ARHGAP39: variants seen among roughly 807,000 people sequenced by gnomAD.
ARHGAP39 encodes the protein rho GTPase-activating protein 39.
ARHGAP39 carries 44 observed loss-of-function variants against 106.9 expected under a neutral mutation model. The observed-to-expected ratio is 0.41, with a 90% CI of 0.32 to 0.53. The LOEUF (loss-of-function observed/expected upper bound fraction) is 0.53. Ranked by LOEUF, ARHGAP39 falls within the 20% of genes least tolerant of loss-of-function variation. ARHGAP39 has a pLI of 0.21. For missense variants in ARHGAP39, 1,496 were observed against 1,577.3 expected (o/e 0.95, Z 0.87); for synonymous variants, 768 against 693.2 (o/e 1.11, Z -1.69).
rs749666064 is a variant in ARHGAP39, at chr8:144,548,061, G to T, written c.1025C>A (p.Ala342Asp). 1 of 1,596,024 alleles carries T rather than the reference G, an allele frequency of 6.3e-7. No homozygotes were observed. The highest frequency in any genetic ancestry group is 1.3e-5 in the African/African-American group (1 of 74,446). Reference protein sequence around the residue: ...VQFEAGGGYQAGSPQRSPGRK... With the variant: ...VQFEAGGGYQDGSPQRSPGRK... ...GCCCGGCGACCGCTGGGGAGAGCCG[G>T]CCTGGTAGCCCCCGCCAGCCTCGAA... The change falls in exon 5 of 12, where the codon GCC (alanine) becomes GAC (aspartate). Residue 342 changes from alanine to aspartate, a missense_variant. By Grantham distance (126) the Ala-to-Asp change is moderately radical. This residue lies in a region of ARHGAP39 where 905 missense variants were observed against 816.4 expected (regional missense o/e 1.11). Coordinates refer to ENST00000377307, the MANE Select transcript of ARHGAP39 (RefSeq NM_025251.3). This position sits in a 1 kb window ranked among gnomAD's most constrained non-coding sequence, Gnocchi z 7.4.
At chr8:144,549,016 C>T (rs907063984) in intron 4 of ARHGAP39, among the ~76,000 whole-genome samples, 9 of 152,226 alleles carry the variant, frequency 5.9e-5, no homozygotes, top group African/African-American at 1.7e-4. Context: ...CCAGTCACCA[C>T]GCTCACTCCA....
At chr8:144,674,303 T>C (rs1283855066) in intron 1 of ARHGAP39, among the ~76,000 whole-genome samples, 8 of 152,202 alleles carry the variant, frequency 5.3e-5, no homozygotes, top group Admixed American at 3.3e-4. Context: ...AGAACAGCTC[T>C]TGGGAGACCC....
chr8:144,558,162 G>C (rs1469590799), intron 3 of ARHGAP39, among the ~76,000 whole-genome samples: 1 of 152,190 alleles, frequency 6.6e-6, no homozygotes, highest in Non-Finnish European at 1.5e-5. Flanking sequence ...ATACTGTAAA[G>C]TCTTGTTGAG....
chr8:144,588,299 G>A (rs1369614749), intron 2 of ARHGAP39, among the ~76,000 whole-genome samples: 1 of 152,272 alleles, frequency 6.6e-6, no homozygotes, highest in Non-Finnish European at 1.5e-5. Context: ...CCTGCAGGCT[G>A]TGCGCTGCAT....
intron 3 of ARHGAP39, among the ~76,000 whole-genome samples, chr8:144,575,498 AAC>A (rs1345644463): frequency 7.9e-6 from 1 of 126,938 alleles, no homozygotes; most frequent in Non-Finnish European, 1.5e-5. Context: ...CTACGACACA[AAC>A]ACACACACTA....
chr8:144,574,579 C>G (rs1818704410), intron 3 of ARHGAP39, among the ~76,000 whole-genome samples: 1 of 152,162 alleles, frequency 6.6e-6, no homozygotes, highest in South Asian at 2.1e-4. Context: ...GAGGCTGAGG[C>G]AGGAGAATGG....
In ARHGAP39 at chr8:144,545,271, C is replaced by T; in HGVS notation, c.2499G>A (p.Met833Ile). Reference protein sequence around the residue: ...SYLEGYIYRHMDPVNDTKVTQ... With the variant: ...SYLEGYIYRHIDPVNDTKVTQ... The stretch of plus-strand genomic sequence containing the variant: ...TACCTTTAGTGTCATTGACGGGGTC[C>T]ATGTGCCGGTAGATGTAGCCTTCCA... Residue 833 changes from methionine to isoleucine, a missense_variant, in exon 6 of 12, where the codon ATG becomes ATA. Transcript: ENST00000377307. 6.4e-7 allele frequency: 1 copy of T among 1,553,890 alleles called. No homozygotes were observed. Among genetic ancestry groups the T allele is most frequent in the Non-Finnish European group, 8.7e-7 (1 of 1,143,612 alleles).
intron 1 of ARHGAP39, among the ~76,000 whole-genome samples, chr8:144,672,282 G>C (rs1307581099): frequency 6.6e-6 from 1 of 152,166 alleles, no homozygotes; most frequent in Non-Finnish European, 1.5e-5. Context: ...AGTGGCAGGA[G>C]GAACATGCTG....
At chr8:144,580,149 G>A (rs995210073) in intron 3 of ARHGAP39, among the ~76,000 whole-genome samples, 21 of 152,024 alleles carry the variant, frequency 1.4e-4, no homozygotes, top group Non-Finnish European at 1.5e-5. Flanking sequence ...TGTTTCTGAG[G>A]GCAGGGGTCT....
At chr8:144,661,477 A>C (rs1039042307) in intron 1 of ARHGAP39, among the ~76,000 whole-genome samples, 6 of 151,642 alleles carry the variant, frequency 4.0e-5, no homozygotes, top group African/African-American at 1.5e-4. Flanking sequence ...TTAACCCAGC[A>C]CTCCCCATCC....
rs1822092074 is a variant in ARHGAP39, at chr8:144,671,186, G to C, written c.-82+14500C>G. On this transcript the variant is annotated intron_variant, in intron 1 of 11. Coordinates refer to ENST00000377307, the MANE Select transcript of ARHGAP39 (RefSeq NM_025251.3). The surrounding 1 kb of genome is among the most constrained non-coding windows in gnomAD (Gnocchi z 4.5). Reference sequence around the variant, plus strand: ...GGGTGTCTCACCCATGCCAGGCTCTGCGGGTCACTGACAAGAGTCTCTGCC... The same window carrying C: ...GGGTGTCTCACCCATGCCAGGCTCTCCGGGTCACTGACAAGAGTCTCTGCC... Among the ~76,000 whole-genome samples, 1 of 152,334 alleles carries C rather than the reference G, an allele frequency of 6.6e-6. No homozygotes were observed. The highest frequency in any genetic ancestry group is 2.1e-4 in the South Asian group (1 of 4,828).
Position 144,547,827 on chromosome 8 carries a change from G to T in ARHGAP39, c.1259C>A (p.Pro420His). The T allele has an allele frequency of 6.3e-7, 1 of 1,591,696 alleles. No homozygotes were observed. The highest frequency in any genetic ancestry group is 1.1e-5 in the South Asian group (1 of 88,616). ...LRAGPRHKYAPNPGGGSYSLQ... is the reference protein window; with the variant it reads ...LRAGPRHKYAHNPGGGSYSLQ... ...GGAGTACGAACCACCGCCGGGGTTG[G>T]GCGCGTACTTGTGCCGCGGGCCGGC... Residue 420 changes from proline (P) to histidine (H), a missense_variant, in exon 5 of 12, where the codon CCC becomes CAC. Transcript: ENST00000377307. The surrounding 1 kb of genome is among the most constrained non-coding windows in gnomAD (Gnocchi z 5.2).
chr8:144,531,456 T>C (rs1305256324), intron 10 of ARHGAP39, among the ~76,000 whole-genome samples: 21 of 2,574 alleles, frequency 8.2e-3, no homozygotes, highest in Middle Eastern at 0.25. Flanking sequence ...GGGCTAGACA[T>C]AGCAGGCACG....
intron 3 of ARHGAP39, among the ~76,000 whole-genome samples, chr8:144,565,386 TAAAG>T (rs1818357285): frequency 6.6e-6 from 1 of 151,100 alleles, no homozygotes; most frequent in Admixed American, 6.6e-5. Flanking sequence ...AGAGGAAAAA[TAAAG>T]AAAAAAGAGA....
At chr8:144,666,558 T>C (rs1000630002) in intron 1 of ARHGAP39, among the ~76,000 whole-genome samples, 2 of 152,174 alleles carry the variant, frequency 1.3e-5, no homozygotes, top group Admixed American at 1.3e-4. Context: ...ATTCTCGTGA[T>C]AGTGAATAAG....
At chr8:144,637,195 C>A (rs925856803) in intron 1 of ARHGAP39, among the ~76,000 whole-genome samples, 3 of 152,232 alleles carry the variant, frequency 2.0e-5, no homozygotes, top group African/African-American at 4.8e-5. Context: ...CTAGACTGGT[C>A]CTTGAATATT....
At chr8:144,607,023 T>C (rs1406055544) in intron 1 of ARHGAP39, among the ~76,000 whole-genome samples, 1 of 146,128 alleles carries the variant, frequency 6.8e-6, no homozygotes, top group Non-Finnish European at 1.5e-5. Flanking sequence ...ACCCACATCC[T>C]AAGTGGGAGA....
chr8:144,676,993 C>T (rs545161540), intron 1 of ARHGAP39, among the ~76,000 whole-genome samples: 1 of 152,380 alleles, frequency 6.6e-6, no homozygotes, highest in East Asian at 1.9e-4. Context: ...TGGTCTTGAT[C>T]TCTTGACCTC....
chr8:144,610,245 T>C (rs959012765), intron 1 of ARHGAP39, among the ~76,000 whole-genome samples: 13 of 152,236 alleles, frequency 8.5e-5, no homozygotes, highest in Admixed American at 3.3e-4. Flanking sequence ...AGCTTATCGA[T>C]TTTACTGACT....
Sources: gnomAD v4.1 joint callset for allele counts (sites outside exome capture counted in the v4.1 genomes callset) on GRCh38, gnomAD v4.1.1 for gene constraint, gnomAD v4.1.1 regional missense constraint, Gnocchi (gnomAD v3.1) non-coding constraint, MANE v1.5 for transcripts, NCBI Gene and HGNC (gene_info 2026-07-23, HGNC 2026-07-21) for gene names.